Variants in PSD3 observed in about 807,000 individuals in gnomAD.
PSD3 encodes the protein PH and SEC7 domain-containing protein 3.
A neutral mutation model predicts 105.5 loss-of-function variants in PSD3; 49 were observed. The observed-to-expected ratio is 0.46, with a 90% confidence interval of 0.37 to 0.59. PSD3 has a LOEUF of 0.59. Among genes scored for constraint, PSD3 ranks in the 20% least tolerant of loss-of-function variants. The pLI, the probability that PSD3 is intolerant of heterozygous loss-of-function variation, is 0.00. For synonymous variants in PSD3, 557 were observed against 457.8 expected, an observed-to-expected ratio of 1.22 and a Z score of -2.77; for missense variants, 1,561 against 1,263.8, an observed-to-expected ratio of 1.24 and a Z score of -3.57.
intron 1 of PSD3, among the ~76,000 whole-genome samples, chr8:18,995,011 C>T (rs1010255188): frequency 1.3e-5 from 2 of 151,794 alleles, no homozygotes; most frequent in East Asian, 1.9e-4. Context: ...CCAGTGGTGA[C>T]TTTCAAAGGT....
At chr8:18,951,670 C>G (rs562859012) in intron 1 of PSD3, among the ~76,000 whole-genome samples, 28 of 152,036 alleles carry the variant, frequency 1.8e-4, no homozygotes, top group Admixed American at 2.6e-4. Context: ...GCTTTTGGAC[C>G]CAAACAATCA....
At chr8:19,024,014 A>G (rs1370820811) in intron 1 of PSD3, among the ~76,000 whole-genome samples, 2 of 152,198 alleles carry the variant, frequency 1.3e-5, no homozygotes, top group South Asian at 2.1e-4. Context: ...TTTCTGTTTC[A>G]TGCCTGAAAA....
intron 1 of PSD3, among the ~76,000 whole-genome samples, chr8:19,006,997 G>A (rs1386530888): frequency 6.6e-6 from 1 of 152,044 alleles, no homozygotes; most frequent in African/African-American, 2.4e-5. Flanking sequence ...GCTCACACCT[G>A]TAATCCCAGC....
At chr8:18,700,623 C>T (rs1247905735) in intron 9 of PSD3, among the ~76,000 whole-genome samples, 1 of 152,206 alleles carries the variant, frequency 6.6e-6, no homozygotes, top group Non-Finnish European at 1.5e-5. Context: ...GGAACAGAAG[C>T]CAAGCCTCGA....
intron 10 of PSD3, among the ~76,000 whole-genome samples, chr8:18,635,050 T>C (rs1807158013): frequency 6.6e-6 from 1 of 152,190 alleles, no homozygotes; most frequent in Admixed American, 6.5e-5. Context: ...CACATGGATA[T>C]TTGTTTTATT....
chr8:18,564,244 T>C (rs1005065732), intron 14 of PSD3, among the ~76,000 whole-genome samples: 2 of 152,180 alleles, frequency 1.3e-5, no homozygotes, highest in Admixed American at 6.5e-5. Context: ...CTGAAATATT[T>C]AGTATTGGGA....
intron 10 of PSD3, among the ~76,000 whole-genome samples, chr8:18,635,657 G>A (rs1484320440): frequency 6.6e-6 from 1 of 152,044 alleles, no homozygotes. Flanking sequence ...ATGATAGACT[G>A]GATAAAGAAA....
intron 1 of PSD3, among the ~76,000 whole-genome samples, chr8:19,049,408 T>C (rs1355082946): frequency 6.6e-6 from 1 of 152,164 alleles, no homozygotes; most frequent in Non-Finnish European, 1.5e-5. Context: ...AAGGATGATG[T>C]GCCAGGCACA....
chr8:18,716,240 C>T (rs561259476), intron 9 of PSD3, among the ~76,000 whole-genome samples: 1 of 152,312 alleles, frequency 6.6e-6, no homozygotes, highest in East Asian at 1.9e-4. Flanking sequence ...TCCATACTTA[C>T]CACTCATGGT....
At chr8:18,541,983 C>T (rs1294031833) in intron 15 of PSD3, among the ~76,000 whole-genome samples, 6 of 152,036 alleles carry the variant, frequency 3.9e-5, no homozygotes, top group East Asian at 3.9e-4. Context: ...AAACTCCTGA[C>T]CTCAGGTGAT....
chr8:18,774,819 C>T (rs577288606), intron 8 of PSD3: 25 of 446,566 alleles, frequency 5.6e-5, no homozygotes, highest in South Asian at 1.7e-4. Flanking sequence ...GTCACTTCGG[C>T]GACATACATC....
At chr8:18,864,359 C>G (rs1816670968) in intron 4 of PSD3, among the ~76,000 whole-genome samples, 1 of 152,116 alleles carries the variant, frequency 6.6e-6, no homozygotes, top group Non-Finnish European at 1.5e-5. Flanking sequence ...TCCTTTCTTC[C>G]CCCTATAGCT....
chr8:18,710,935 G>A (rs151194277), intron 9 of PSD3, among the ~76,000 whole-genome samples: 7,334 of 152,044 alleles, frequency 0.048, 244 homozygotes, highest in Middle Eastern at 0.1. Flanking sequence ...TGCCCAACTC[G>A]GCCTCCCAAA....
intron 4 of PSD3, among the ~76,000 whole-genome samples, chr8:18,853,293 C>G (rs116366721): frequency 6.6e-6 from 1 of 152,140 alleles, no homozygotes; most frequent in African/African-American, 2.4e-5. Flanking sequence ...AATGCATACC[C>G]ACAAATACAC....
At chr8:18,747,827 A>C (rs1805153704) in intron 9 of PSD3, among the ~76,000 whole-genome samples, 1 of 152,020 alleles carries the variant, frequency 6.6e-6, no homozygotes. Flanking sequence ...AAAAAAAAGA[A>C]AAAAAAAGAC....
chr8:18,581,218 A>C (rs1440369745), intron 12 of PSD3, among the ~76,000 whole-genome samples: 2 of 152,254 alleles, frequency 1.3e-5, no homozygotes, highest in African/African-American at 2.4e-5. Context: ...GTCAATTAAA[A>C]TGCACATTCA....
chr8:18,871,669 G>C lies in PSD3; in HGVS notation c.1195C>G (p.Gln399Glu). 6.2e-7 allele frequency: 1 copy of C among 1,613,290 alleles called. No individual in the cohort carries two copies. The highest frequency in any genetic ancestry group is 8.5e-7 in the Non-Finnish European group (1 of 1,179,668). ...GGTTTAGGTGTCTTCTCAAGATGCTGTTTGTTTTCCTGTAGGAAGACTTCA... is the reference window on the plus strand; with the variant it reads ...GGTTTAGGTGTCTTCTCAAGATGCTCTTTGTTTTCCTGTAGGAAGACTTCA... ...EDEVFLQENK[Q>E]HLEKTPKPER... The change falls in exon 3 of 16, where the codon CAG becomes GAG. Residue 399 changes from glutamine (Q) to glutamate (E), a missense_variant. Coordinates refer to ENST00000327040, the MANE Select transcript of PSD3 (RefSeq NM_015310.4).
At chr8:18,575,037 T>A in intron 13 of PSD3, 91 bp downstream of exon 13, 1 of 1,346,562 alleles carries the variant, frequency 7.4e-7, no homozygotes, top group East Asian at 2.6e-5. Context: ...ACTCAAAAAA[T>A]TTCCCCTGCA....
chr8:19,046,367 C>T (rs963980304), intron 1 of PSD3, among the ~76,000 whole-genome samples: 2 of 152,216 alleles, frequency 1.3e-5, no homozygotes, highest in Non-Finnish European at 2.9e-5. Flanking sequence ...GCCTCAGCCT[C>T]CCAAAGTGTT....
Sources: allele counts gnomAD v4.1 joint callset (sites outside exome capture counted in the v4.1 genomes callset), GRCh38; gene constraint gnomAD v4.1.1; transcripts MANE v1.5; gene names NCBI Gene and HGNC (gene_info 2026-07-23, HGNC 2026-07-21).